Variants in OR5D3 observed in about 807,000 individuals in gnomAD.
OR5D3 encodes olfactory receptor family 5 subfamily D member 3, also known as olfactory receptor 5D3.
At chr11:55,727,689 AT>A in the OR5D3 span, 3 of 152,000 alleles carry the variant, frequency 2.0e-5, no homozygotes, top group African/African-American at 4.8e-5. Context: ...TATAAATTAT[AT>A]TTTTCTTTAT....
the OR5D3 span, among the ~76,000 whole-genome samples, chr11:55,725,436 T>C: frequency 1.3e-5 from 2 of 152,080 alleles, no homozygotes; most frequent in African/African-American, 4.8e-5. Context: ...CAGTACTCAG[T>C]ACTTTCATGT....
the OR5D3 span, chr11:55,726,980 T>A: frequency 1.2e-5 from 5 of 400,508 alleles, no homozygotes. Context: ...GGGACTATCC[T>A]TTTTCTCTAC....
the OR5D3 span, chr11:55,726,102 G>T: frequency 2.5e-6 from 1 of 396,708 alleles, no homozygotes; most frequent in Non-Finnish European, 4.4e-6. Flanking sequence ...AGAATTTTCA[G>T]CAACACTCTT....
the OR5D3 span, chr11:55,729,326 G>A: frequency 6.6e-6 from 1 of 151,800 alleles, no homozygotes; most frequent in Non-Finnish European, 1.5e-5. Context: ...AAATACATTT[G>A]TATGCTGCTC....
the OR5D3 span, chr11:55,727,787 G>A: frequency 1.3e-5 from 2 of 151,850 alleles, no homozygotes; most frequent in Admixed American, 6.6e-5. Context: ...GATTGTGCAT[G>A]TTATTTATTT....
chr11:55,723,977 C>T, the OR5D3 span: 7 of 397,694 alleles, frequency 1.8e-5, no homozygotes, highest in Non-Finnish European at 2.7e-5. Flanking sequence ...AAGTGCTAAG[C>T]GGGAGCATTA....
the OR5D3 span, chr11:55,729,169 T>TA: frequency 6.6e-6 from 1 of 152,064 alleles, no homozygotes; most frequent in Admixed American, 6.6e-5. Flanking sequence ...TACACAAATA[T>TA]AATGCAATTT....
the OR5D3 span, among the ~76,000 whole-genome samples, chr11:55,724,281 T>C: frequency 1.3e-5 from 2 of 151,980 alleles, no homozygotes; most frequent in South Asian, 2.1e-4. Context: ...AGCAATGAAA[T>C]CAATACTTTG....
At chr11:55,726,438 C>T in the OR5D3 span, 24 of 470,232 alleles carry the variant, frequency 5.1e-5, no homozygotes, top group Middle Eastern at 9.8e-4. Context: ...GTTATTCCAC[C>T]ACAATTACAC....
At chr11:55,727,227 A>ACT in the OR5D3 span, 1 of 397,190 alleles carries the variant, frequency 2.5e-6, no homozygotes, top group Non-Finnish European at 4.4e-6. Flanking sequence ...TCATTGCATG[A>ACT]AATTATGATA....
At chr11:55,724,348 T>A in the OR5D3 span, among the ~76,000 whole-genome samples, 1 of 152,044 alleles carries the variant, frequency 6.6e-6, no homozygotes, top group South Asian at 2.1e-4. Flanking sequence ...CTATACTTTC[T>A]GAGGAGATAA....
chr11:55,727,255 A>T, the OR5D3 span: 1 of 396,706 alleles, frequency 2.5e-6, no homozygotes, highest in East Asian at 3.6e-5. Flanking sequence ...AACTGACAGT[A>T]CAATATCTAT....
the OR5D3 span, among the ~76,000 whole-genome samples, chr11:55,724,245 T>C: frequency 6.6e-6 from 1 of 151,954 alleles, no homozygotes; most frequent in African/African-American, 2.4e-5. Context: ...ATTCTGATTT[T>C]CTCATTCGGC....
At chr11:55,728,975 A>G in the OR5D3 span, 1 of 152,088 alleles carries the variant, frequency 6.6e-6, no homozygotes. Flanking sequence ...TATTTAGTAT[A>G]TTCAATAAGG....
chr11:55,724,628 G>A, the OR5D3 span, among the ~76,000 whole-genome samples: 2 of 152,192 alleles, frequency 1.3e-5, no homozygotes, highest in African/African-American at 2.4e-5. Context: ...CTAGATCTAA[G>A]CAGTTTGGGA....
the OR5D3 span, chr11:55,726,178 T>C: frequency 2.5e-6 from 1 of 398,496 alleles, no homozygotes; most frequent in East Asian, 3.6e-5. Context: ...TATTGGCTTC[T>C]ACTTCTCTGG....
the OR5D3 span, chr11:55,726,633 T>C: frequency 5.0e-6 from 2 of 400,960 alleles, no homozygotes; most frequent in Non-Finnish European, 8.8e-6. Flanking sequence ...CCCAGAGGCT[T>C]TGCTCCTTGT....
chr11:55,729,071 A>C, the OR5D3 span: 1 of 151,872 alleles, frequency 6.6e-6, no homozygotes, highest in South Asian at 2.1e-4. Context: ...TTTTAGTACA[A>C]AATAAAAATC....
the OR5D3 span, among the ~76,000 whole-genome samples, chr11:55,724,474 A>T: frequency 1.6e-4 from 25 of 152,120 alleles, no homozygotes; most frequent in Non-Finnish European, 3.5e-4. Context: ...TAATCTTTAC[A>T]AGAGTAGATG....
Sources: gnomAD v4.1 joint callset for allele counts (sites outside exome capture counted in the v4.1 genomes callset) on GRCh38, gnomAD v4.1.1 for gene constraint, MANE v1.5 for transcripts, NCBI Gene and HGNC (gene_info 2026-07-23, HGNC 2026-07-21) for gene names.